Variants in SEL1L3 observed in about 807,000 individuals in gnomAD.
The protein encoded by SEL1L3 is SEL1L family member 3, also known as protein sel-1 homolog 3.
Under a neutral mutation model 142.8 loss-of-function variants are expected in SEL1L3, and 76 were observed. That is an observed-to-expected ratio of 0.53 (90% confidence interval 0.44 to 0.64). The LOEUF (loss-of-function observed/expected upper bound fraction) is 0.64, where lower values mean the gene tolerates loss of function less well. Among genes scored for constraint, SEL1L3 ranks in the 30% least tolerant of loss-of-function variants. The probability of loss-of-function intolerance (pLI) is 0.00; values close to 1 mark genes in which losing one functional copy is unlikely to be tolerated. For missense variants in SEL1L3, 1,262 were observed against 1,381.7 expected, an observed-to-expected ratio of 0.91 and a Z score of 1.37; for synonymous variants, 504 against 519.6, an observed-to-expected ratio of 0.97 and a Z score of 0.41.
the SEL1L3 span, among the ~76,000 whole-genome samples, chr4:25,736,058 T>G: frequency 6.6e-6 from 1 of 151,906 alleles, no homozygotes; most frequent in Non-Finnish European, 1.5e-5. Flanking sequence ...CTCCATCTCC[T>G]GACCTCGTGA....
At chr4:25,791,498 G>A (rs1211538278) in intron 11 of SEL1L3, among the ~76,000 whole-genome samples, 4 of 152,158 alleles carry the variant, frequency 2.6e-5, no homozygotes, top group Admixed American at 6.5e-5. Context: ...TAATGAAGTC[G>A]CTCTAATAGT....
rs777148514 is a variant in SEL1L3, at chr4:25,812,288, G to A, written c.1564+5850C>T. On this transcript the variant is annotated intron_variant, in intron 9 of 23. Transcript: ENST00000399878. ...TTCCCACTCAGATACCTCTCCTCAC[G>A]TCATCTCTCCTGTCTCCCCAGGCAG... Among the ~76,000 whole-genome samples the A allele has an allele frequency of 3.9e-5, 6 of 152,264 alleles. No homozygotes were observed. In the South Asian group the frequency reaches 8.3e-4, roughly 21 times the overall value.
chr4:25,722,623 G>GTTTTTTTTTTTTTTTTTT, the SEL1L3 span, among the ~76,000 whole-genome samples: 1 of 125,124 alleles, frequency 8.0e-6, no homozygotes, highest in African/African-American at 4.6e-5. Context: ...TCCAAAGGAG[G>GTTTTTTTTTTTTTTTTTT]CTTTTTTTTT....
At chr4:25,770,157 G>A (rs1288876732) in intron 17 of SEL1L3, 1 of 152,172 alleles carries the variant, frequency 6.6e-6, no homozygotes, top group African/African-American at 2.4e-5. Flanking sequence ...CTTAACTGCA[G>A]AAACCAATAG....
At chr4:25,842,572 G>C (rs952426957) in intron 2 of SEL1L3, among the ~76,000 whole-genome samples, 1 of 152,238 alleles carries the variant, frequency 6.6e-6, no homozygotes, top group Non-Finnish European at 1.5e-5. Flanking sequence ...GGTTTGTCTG[G>C]GAAGCTGTGG....
intron 17 of SEL1L3, among the ~76,000 whole-genome samples, chr4:25,774,091 G>T (rs1310783022): frequency 6.6e-6 from 1 of 152,156 alleles, no homozygotes; most frequent in East Asian, 1.9e-4. Flanking sequence ...TAAGGAACTG[G>T]GATAGAAGTT....
chr4:25,745,735 G>C (rs1477886257), downstream of SEL1L3, among the ~76,000 whole-genome samples: 1 of 152,244 alleles, frequency 6.6e-6, no homozygotes, highest in Non-Finnish European at 1.5e-5. Context: ...AATGTCCATA[G>C]TGCTGAGATT....
intron 15 of SEL1L3, 150 bp from the exon 16 acceptor site, chr4:25,779,353 C>T: frequency 1.3e-6 from 1 of 798,580 alleles, no homozygotes; most frequent in Non-Finnish European, 1.9e-6. Flanking sequence ...TCCAGGAAGA[C>T]AGCCAATCAC....
At chr4:25,821,227 A>C (rs956708399) in intron 7 of SEL1L3, among the ~76,000 whole-genome samples, 1 of 152,216 alleles carries the variant, frequency 6.6e-6, no homozygotes, top group African/African-American at 2.4e-5. Context: ...CATGGGCAGC[A>C]GGACTCCCCA....
chr4:25,807,678 A>T (rs139668435), intron 9 of SEL1L3, among the ~76,000 whole-genome samples: 6 of 152,218 alleles, frequency 3.9e-5, no homozygotes, highest in African/African-American at 1.4e-4. Context: ...GGCTCAGAGG[A>T]GGAAGAGACT....
intron 20 of SEL1L3, 95 bp from the exon 21 acceptor site, chr4:25,759,163 A>AT: frequency 1.8e-5 from 25 of 1,400,004 alleles, no homozygotes; most frequent in South Asian, 2.9e-5. Flanking sequence ...AACCTCTAAA[A>AT]TTTTTTTTAA....
At chr4:25,830,924 C>T (rs1715399348) in intron 5 of SEL1L3, among the ~76,000 whole-genome samples, 1 of 152,226 alleles carries the variant, frequency 6.6e-6, no homozygotes, top group South Asian at 2.1e-4. Context: ...CTTATACATT[C>T]AGTCAAGGCA....
At chr4:25,757,480 ATCC>A in intron 23 of SEL1L3, 51 bp downstream of exon 23, 2 of 1,009,344 alleles carry the variant, frequency 2.0e-6, no homozygotes, top group South Asian at 1.7e-5. Flanking sequence ...AAAAAAAAAA[ATCC>A]CTGCTTTTTT....
intron 1 of SEL1L3, 136 bp downstream of exon 1, chr4:25,862,539 C>A: frequency 2.3e-6 from 1 of 429,516 alleles, no homozygotes. Flanking sequence ...CGGGAACGCC[C>A]GGGGCGCAGC....
Position 25,767,859 on chromosome 4 carries a change from C to T in SEL1L3, c.2670-29G>A, listed in dbSNP as rs1577573904. 4 of 1,294,034 alleles carry T rather than the reference C, an allele frequency of 3.1e-6. No individual in the cohort carries two copies. The East Asian group carries it at 1.0e-4, about 33-fold the overall frequency. 80.2% of individuals were successfully genotyped at this position (1,294,034 alleles called of 1,614,324 possible). ...AAAATAGATGATTAATAATAAATTT[C>T]ATATAGTGGCTCTTACTAATATTCA... On this transcript the variant is annotated intron_variant, in intron 17 of 23. Transcript: ENST00000399878.
chr4:25,786,400 AC>A (rs955867741), intron 13 of SEL1L3, among the ~76,000 whole-genome samples: 6 of 151,884 alleles, frequency 4.0e-5, no homozygotes, highest in African/African-American at 1.5e-4. Context: ...AGAATGCAGA[AC>A]CCCCCTCTCT....
downstream of SEL1L3, among the ~76,000 whole-genome samples, chr4:25,743,207 T>A (rs1444872087): frequency 2.0e-5 from 3 of 152,208 alleles, no homozygotes; most frequent in African/African-American, 7.2e-5. Flanking sequence ...ATCCTTGATT[T>A]TACAATGTTA....
At chr4:25,730,716 G>A in the SEL1L3 span, among the ~76,000 whole-genome samples, 206 of 152,136 alleles carry the variant, frequency 1.4e-3, 2 homozygotes, top group African/African-American at 4.4e-3. Context: ...CCCCACTTCC[G>A]GCTTTCATGG....
chr4:25,804,257 T>C (rs1444440131), intron 10 of SEL1L3, among the ~76,000 whole-genome samples: 1 of 152,170 alleles, frequency 6.6e-6, no homozygotes, highest in Non-Finnish European at 1.5e-5. Context: ...GGAGCACCTG[T>C]TCTTGAAGAA....
Sources: allele counts gnomAD v4.1 joint callset (sites outside exome capture counted in the v4.1 genomes callset), GRCh38; gene constraint gnomAD v4.1.1; transcripts MANE v1.5; gene names NCBI Gene and HGNC (gene_info 2026-07-23, HGNC 2026-07-21).